The following RIMBP2 variants were observed in gnomAD, a reference collection of about 807,000 sequenced individuals.
RIMBP2 encodes RIMS-binding protein 2.
In RIMBP2, 48 loss-of-function variants were observed where a neutral mutation model predicts 118.6. The observed-to-expected ratio is 0.40, with a 90% confidence interval of 0.32 to 0.51. The LOEUF (loss-of-function observed/expected upper bound fraction) is 0.51, where lower values mean the gene tolerates loss of function less well. Among genes scored for constraint, RIMBP2 ranks in the 20% least tolerant of loss-of-function variants. The pLI is 0.41. For missense variants in RIMBP2, 1,551 were observed against 1,768.3 expected, an observed-to-expected ratio of 0.88 and a Z score of 2.20; for synonymous variants, 762 against 742.9, an observed-to-expected ratio of 1.03 and a Z score of -0.42.
chr12:130,572,112 A>AC lies in RIMBP2; in HGVS notation c.-216-54196dup, dbSNP rs540192385. Among the ~76,000 whole-genome samples, 510 of 152,156 alleles carry AC rather than the reference A, an allele frequency of 3.4e-3. 1 individual carries two copies. Among genetic ancestry groups the AC allele is most frequent in the Middle Eastern group, 0.02 (6 of 294 alleles). On this transcript the variant is annotated intron_variant, in intron 2 of 22. Transcript: ENST00000690449. ...CAGACTCACTTCAGTTCCCTGCTCC[A>AC]CCCCCAGTGCGTGAAACAGCATGGC...
intron 7 of RIMBP2, among the ~76,000 whole-genome samples, chr12:130,454,000 G>A (rs1029333130): frequency 6.6e-6 from 1 of 151,508 alleles, no homozygotes; most frequent in Non-Finnish European, 1.5e-5. Flanking sequence ...CTTGTACTGA[G>A]CCGAGATCAC....
intron 1 of RIMBP2, among the ~76,000 whole-genome samples, chr12:130,713,727 G>A (rs542566001): frequency 9.9e-5 from 15 of 152,168 alleles, no homozygotes; most frequent in Non-Finnish European, 7.3e-5. Context: ...GCTCATTGCC[G>A]TGCCCTAGGG....
At chr12:130,715,480 C>G (rs2136937532) in intron 1 of RIMBP2, among the ~76,000 whole-genome samples, 1 of 152,326 alleles carries the variant, frequency 6.6e-6, no homozygotes, top group East Asian at 1.9e-4. Context: ...CAGACCTAAG[C>G]TCCTGGGCGG....
chr12:130,472,857 C>T (rs972405146), intron 5 of RIMBP2, among the ~76,000 whole-genome samples: 2 of 152,142 alleles, frequency 1.3e-5, no homozygotes, highest in Non-Finnish European at 2.9e-5. Flanking sequence ...GTGACTGGAA[C>T]ACAGCATGTT....
At chr12:130,439,654 ATG>A (rs1237825056) in intron 11 of RIMBP2, among the ~76,000 whole-genome samples, 2 of 10,328 alleles carry the variant, frequency 1.9e-4, no homozygotes, top group Non-Finnish European at 3.4e-4. Context: ...TGTGGGGGGG[ATG>A]TGTTTTTTTG....
At chr12:130,513,965 T>C (rs1218297162) in intron 3 of RIMBP2, among the ~76,000 whole-genome samples, 11 of 152,232 alleles carry the variant, frequency 7.2e-5, no homozygotes, top group Admixed American at 3.3e-4. Flanking sequence ...CCCATGAGTC[T>C]GGAGGGACAG....
At chr12:130,498,247 T>C (rs1413419353) in intron 4 of RIMBP2, among the ~76,000 whole-genome samples, 2 of 152,196 alleles carry the variant, frequency 1.3e-5, no homozygotes, top group Non-Finnish European at 2.9e-5. Flanking sequence ...TTAGTCATTC[T>C]CCATGAAGGC....
At position 130,546,157 on chromosome 12, in the gene RIMBP2, G is replaced by A. The variant is rs369526533; in HGVS notation, c.-216-28240C>T. Reference sequence around the variant, plus strand: ...CTCACTCTGTTGCCCAGGCTGGAGTGCAGTGGCGCAATCTTGGCTCACTGC... The same window carrying A: ...CTCACTCTGTTGCCCAGGCTGGAGTACAGTGGCGCAATCTTGGCTCACTGC... On this transcript the variant is annotated intron_variant, in intron 2 of 22. Transcript: ENST00000690449. 1.5e-4 allele frequency among the ~76,000 whole-genome samples: 21 copies of A among 143,798 alleles called. No homozygotes were observed. In the South Asian group the frequency reaches 4.3e-3, roughly 29 times the overall value. 94.3% of individuals were successfully genotyped at this position (143,798 alleles called of 152,430 possible). A position where few individuals can be genotyped will look rare whatever the true frequency, so the allele number is the denominator to read the frequency against.
At chr12:130,473,250 T>C (rs2081156406) in intron 5 of RIMBP2, among the ~76,000 whole-genome samples, 1 of 152,208 alleles carries the variant, frequency 6.6e-6, no homozygotes, top group African/African-American at 2.4e-5. Flanking sequence ...AAGCAACAGC[T>C]TAAGCGAGGC....
intron 2 of RIMBP2, among the ~76,000 whole-genome samples, chr12:130,544,461 C>T (rs373365199): frequency 6.6e-6 from 1 of 152,150 alleles, no homozygotes; most frequent in Admixed American, 6.5e-5. Flanking sequence ...AGACACCACT[C>T]GCCTCCCTCT....
In RIMBP2 at chr12:130,486,029, CTA is replaced by C. The variant is rs1566126288; in HGVS notation, c.-3-7015_-3-7014del. ...CTGGGGCTTGTTTTGGCTTCAGCATCTATCTCTCCAAATCTTACCTGTTTCTG... is the reference window on the plus strand; with the variant it reads ...CTGGGGCTTGTTTTGGCTTCAGCATCTCTCTCCAAATCTTACCTGTTTCTG... On this transcript the variant is annotated intron_variant, in intron 4 of 22. Coordinates refer to ENST00000690449, the MANE Select transcript of RIMBP2 (RefSeq NM_001393629.1). 2.0e-5 allele frequency among the ~76,000 whole-genome samples: 3 copies of C among 152,140 alleles called. No homozygotes were observed. In the South Asian group the frequency reaches 6.2e-4, roughly 32 times the overall value.
intron 2 of RIMBP2, among the ~76,000 whole-genome samples, chr12:130,547,623 A>G (rs966083328): frequency 2.6e-5 from 4 of 152,210 alleles, no homozygotes; most frequent in African/African-American, 9.7e-5. Context: ...CCCTGCTGCA[A>G]AAGGAAATGA....
rs958512103 is a variant in RIMBP2, at chr12:130,447,556, C to T, written c.582-2287G>A. Among the ~76,000 whole-genome samples, 1 of 151,402 alleles carries T rather than the reference C, an allele frequency of 6.6e-6. No homozygotes were observed. The highest frequency in any genetic ancestry group is 2.4e-5 in the African/African-American group (1 of 40,976). ...CGATGGGAGACGAGGGACAGGTGATCACTGATGGGAATGGGTTCTTGAGGG... is the reference window on the plus strand; with the variant it reads ...CGATGGGAGACGAGGGACAGGTGATTACTGATGGGAATGGGTTCTTGAGGG... On this transcript the variant is annotated intron_variant, in intron 9 of 22. Coordinates refer to ENST00000690449, the MANE Select transcript of RIMBP2 (RefSeq NM_001393629.1). This position sits in a 1 kb window ranked among gnomAD's most constrained non-coding sequence, Gnocchi z 4.4.
At chr12:130,579,798 G>A (rs1430958902) in intron 2 of RIMBP2, among the ~76,000 whole-genome samples, 2 of 151,948 alleles carry the variant, frequency 1.3e-5, no homozygotes, top group Non-Finnish European at 2.9e-5. Flanking sequence ...CAGAAGCGAT[G>A]GTGAAGGGTC....
chr12:130,625,689 A>G (rs2061579179), intron 2 of RIMBP2, among the ~76,000 whole-genome samples: 2 of 152,244 alleles, frequency 1.3e-5, no homozygotes, highest in Admixed American at 6.5e-5. Flanking sequence ...CCAACAATCT[A>G]TCAAAAAAAG....
At position 130,511,577 on chromosome 12, in the gene RIMBP2, CT is replaced by C. The variant is rs2050914504; in HGVS notation, c.-126-4808del. Among the ~76,000 whole-genome samples the C allele has an allele frequency of 2.0e-5, 3 of 152,200 alleles. No individual in the cohort carries two copies. The South Asian group carries it at 6.2e-4, about 31-fold the overall frequency. ...GGCTTCAGTCACCCCAGTGGCTCCC[CT>C]AACCCTGCCTGCACCTCCTTAAGAA... On this transcript the variant is annotated intron_variant, in intron 3 of 22. Coordinates refer to ENST00000690449, the MANE Select transcript of RIMBP2 (RefSeq NM_001393629.1). The surrounding 1 kb of genome is among the most constrained non-coding windows in gnomAD (Gnocchi z 4.3).
rs372242002 is a variant in RIMBP2 at position 130,572,736 on chromosome 12, G to A, written c.-216-54819C>T. Among the ~76,000 whole-genome samples, 73 of 152,114 alleles carry A rather than the reference G, an allele frequency of 4.8e-4. 1 individual carries two copies. The South Asian group carries it at 0.014, about 28-fold the overall frequency. On this transcript the variant is annotated intron_variant, in intron 2 of 22. Coordinates refer to ENST00000690449, the MANE Select transcript of RIMBP2 (RefSeq NM_001393629.1). ...TGTGCAGGGACTCACAGGGTTTCTC[G>A]GTGGAGAAGGGGCACTGCTCTGGGG...
At chr12:130,574,569 T>C (rs2057943297) in intron 2 of RIMBP2, among the ~76,000 whole-genome samples, 1 of 152,206 alleles carries the variant, frequency 6.6e-6, no homozygotes, top group South Asian at 2.1e-4. Flanking sequence ...TCGCTGAACC[T>C]GGTAGGCCGC....
intron 5 of RIMBP2, among the ~76,000 whole-genome samples, chr12:130,471,485 A>T (rs2081000336): frequency 6.6e-6 from 1 of 152,206 alleles, no homozygotes; most frequent in Non-Finnish European, 1.5e-5. Flanking sequence ...AGGTCCTTGT[A>T]GCCCTCGGCA....
Sources: gnomAD v4.1 joint callset for allele counts (sites outside exome capture counted in the v4.1 genomes callset) on GRCh38, gnomAD v4.1.1 for gene constraint, Gnocchi (gnomAD v3.1) non-coding constraint, MANE v1.5 for transcripts, NCBI Gene and HGNC (gene_info 2026-07-23, HGNC 2026-07-21) for gene names.